Variants in DMRT1 observed in about 807,000 individuals in gnomAD.
The protein encoded by DMRT1 is doublesex- and mab-3-related transcription factor 1.
In DMRT1, 7 loss-of-function variants were observed where a neutral mutation model predicts 32.3. That is an observed-to-expected ratio of 0.22 (90% CI 0.12 to 0.41). The LOEUF (loss-of-function observed/expected upper bound fraction) is 0.41. Among genes scored for constraint, DMRT1 ranks in the 10% least tolerant of loss-of-function variants. The probability of loss-of-function intolerance (pLI) is 1.00; values close to 1 mark genes in which losing one functional copy is unlikely to be tolerated. For synonymous variants in DMRT1, 278 were observed against 206.1 expected (o/e 1.35, Z -2.99); for missense variants, 625 against 500.5 (o/e 1.25, Z -2.37).
chr9:866,989 T>C (rs1237275779), intron 2 of DMRT1, among the ~76,000 whole-genome samples: 6 of 152,188 alleles, frequency 3.9e-5, no homozygotes, highest in Admixed American at 2.0e-4. Context: ...GGTTTGTTTT[T>C]TTCTAAAAGA....
At chr9:875,073 G>A (rs759465506) in intron 2 of DMRT1, among the ~76,000 whole-genome samples, 25 of 151,872 alleles carry the variant, frequency 1.6e-4, no homozygotes, top group Non-Finnish European at 3.4e-4. Context: ...GCCTCCCAAA[G>A]TGCTGGGATT....
At chr9:902,140 C>A (rs1283454242) in intron 3 of DMRT1, among the ~76,000 whole-genome samples, 1 of 151,450 alleles carries the variant, frequency 6.6e-6, no homozygotes, top group South Asian at 2.1e-4. Flanking sequence ...AAACTCCTGA[C>A]CTCAGGTGAT....
rs773369575 is a variant in DMRT1, at chr9:916,938, G to T, written c.967+31G>T. The T allele has an allele frequency of 4.3e-5, 69 of 1,613,828 alleles. No individual in the cohort carries two copies. The East Asian group carries it at 1.3e-3, about 31-fold the overall frequency. On this transcript the variant is annotated intron_variant, in intron 4 of 4. Transcript: ENST00000382276. ...TGTCTGGTCACACAGACTGGATTTG[G>T]GGTTGAGAGAGGATGGCTATCCAGT...
At chr9:846,406 G>A (rs985440557) in intron 1 of DMRT1, among the ~76,000 whole-genome samples, 9 of 152,010 alleles carry the variant, frequency 5.9e-5, no homozygotes, top group African/African-American at 2.4e-5. Context: ...TAGTACAGTG[G>A]CCTTTTACAA....
intron 4 of DMRT1, among the ~76,000 whole-genome samples, chr9:943,619 G>A (rs950099190): frequency 6.6e-6 from 1 of 152,152 alleles, no homozygotes; most frequent in South Asian, 2.1e-4. Context: ...AATTCTGAAG[G>A]TCATGGGGAT....
intron 3 of DMRT1, among the ~76,000 whole-genome samples, chr9:915,788 A>G (rs1045749749): frequency 2.0e-5 from 3 of 151,160 alleles, no homozygotes; most frequent in African/African-American, 7.4e-5. Context: ...GCTGGAGTGC[A>G]GTGGCGCGAT....
At chr9:847,262 G>T in intron 2 of DMRT1, 119 bp downstream of exon 2, 1 of 1,120,644 alleles carries the variant, frequency 8.9e-7, no homozygotes, top group Non-Finnish European at 1.3e-6. Flanking sequence ...AGAGGATTCT[G>T]TAGAGGATTC....
chr9:885,188 G>C (rs999953381), intron 2 of DMRT1, among the ~76,000 whole-genome samples: 1 of 152,192 alleles, frequency 6.6e-6, no homozygotes, highest in Non-Finnish European at 1.5e-5. Flanking sequence ...AATGTTTACA[G>C]CTGAAGCCCC....
chr9:888,338 C>A (rs980295718), intron 2 of DMRT1, among the ~76,000 whole-genome samples: 1 of 151,632 alleles, frequency 6.6e-6, no homozygotes, highest in Non-Finnish European at 1.5e-5. Flanking sequence ...CAGAGTCTTG[C>A]CCCTTTGCCC....
intron 3 of DMRT1, among the ~76,000 whole-genome samples, chr9:896,454 C>T (rs72699262): frequency 0.019 from 2,880 of 151,826 alleles, 43 homozygotes; most frequent in Non-Finnish European, 0.03. Flanking sequence ...AATCCAACAT[C>T]CCTTTATTTC....
chr9:890,242 C>G (rs1007483632), intron 2 of DMRT1, among the ~76,000 whole-genome samples: 1 of 151,936 alleles, frequency 6.6e-6, no homozygotes, highest in Non-Finnish European at 1.5e-5. Context: ...CCACCGCACC[C>G]GGCCCAAACT....
intron 2 of DMRT1, among the ~76,000 whole-genome samples, chr9:873,021 G>A (rs529299798): frequency 1.5e-4 from 23 of 152,302 alleles, no homozygotes; most frequent in African/African-American, 4.8e-4. Context: ...AACACTCACA[G>A]ACACACCCCA....
At chr9:871,076 C>T (rs561096507) in intron 2 of DMRT1, among the ~76,000 whole-genome samples, 1 of 152,216 alleles carries the variant, frequency 6.6e-6, no homozygotes, top group East Asian at 1.9e-4. Context: ...GGCTCTGTTG[C>T]CCAGGCTGGA....
chr9:965,999 A>G lies in DMRT1; in HGVS notation c.968-1986A>G, dbSNP rs1819918768. On this transcript the variant is annotated intron_variant, in intron 4 of 4. Transcript: ENST00000382276. This position sits in a 1 kb window ranked among gnomAD's most constrained non-coding sequence, Gnocchi z 4.5. ...TTCTCCATAGCTTCTATACAGAGAA[A>G]CTTCTGTCACTGGTTGGGGGTGGGG... Among the ~76,000 whole-genome samples, 1 of 152,154 alleles carries G rather than the reference A, an allele frequency of 6.6e-6. No homozygotes were observed. The highest frequency in any genetic ancestry group is 2.4e-5 in the African/African-American group (1 of 41,428).
chr9:956,442 T>C (rs762293045), intron 4 of DMRT1, among the ~76,000 whole-genome samples: 1 of 151,976 alleles, frequency 6.6e-6, no homozygotes, highest in Non-Finnish European at 1.5e-5. Context: ...CTCATGCCGG[T>C]AATCCCAGCA....
In DMRT1 at chr9:847,021, T is replaced by G. The variant is rs759562913; in HGVS notation, c.416T>G (p.Leu139Arg). 1 of 1,614,042 alleles carries G rather than the reference T, an allele frequency of 6.2e-7. No homozygotes were observed. The highest frequency in any genetic ancestry group is 1.3e-5 in the African/African-American group (1 of 74,928). ...EELGISHPIP[L>R]PSAAELLVKR... is the part of the protein sequence containing the mutation. ...TTGGGTATCAGCCACCCCATCCCAC[T>G]GCCCAGTGCGGCCGAGCTGCTTGTC... Residue 139 changes from leucine (L) to arginine (R), a missense_variant, in exon 2 of 5, where the codon CTG becomes CGG. Physicochemically the swap from Leu to Arg is moderately radical, Grantham distance 102. Coordinates refer to ENST00000382276, the MANE Select transcript of DMRT1 (RefSeq NM_021951.3).
chr9:877,343 G>C (rs903361724), intron 2 of DMRT1, among the ~76,000 whole-genome samples: 1 of 152,192 alleles, frequency 6.6e-6, no homozygotes, highest in African/African-American at 2.4e-5. Flanking sequence ...CCCCCCTGGA[G>C]GGTGCAGTAA....
chr9:919,871 G>A (rs1475561036), intron 4 of DMRT1, among the ~76,000 whole-genome samples: 1 of 152,176 alleles, frequency 6.6e-6, no homozygotes, highest in Non-Finnish European at 1.5e-5. Flanking sequence ...AAGATTTGCT[G>A]TTGGTCTTTG....
chr9:913,889 T>A, intron 3 of DMRT1, among the ~76,000 whole-genome samples: 1 of 46,346 alleles, frequency 2.2e-5, no homozygotes, highest in East Asian at 4.4e-4. Flanking sequence ...TGAGACTCGG[T>A]CTCAAACAAT....
Sources: gnomAD v4.1 joint callset for allele counts (sites outside exome capture counted in the v4.1 genomes callset) on GRCh38, gnomAD v4.1.1 for gene constraint, Gnocchi (gnomAD v3.1) non-coding constraint, MANE v1.5 for transcripts, NCBI Gene and HGNC (gene_info 2026-07-23, HGNC 2026-07-21) for gene names.